ANKRD17: variants seen among roughly 807,000 people sequenced by gnomAD.
The protein encoded by ANKRD17 is ankyrin repeat domain-containing protein 17.
Under a neutral mutation model 229.7 loss-of-function variants are expected in ANKRD17, and 19 were observed. The ratio of observed to expected loss-of-function variants is 0.08; its 90% CI spans 0.06 to 0.12. The LOEUF is 0.12. Among genes scored for constraint, ANKRD17 ranks in the 10% least tolerant of loss-of-function variants. ANKRD17 has a pLI of 1.00. For synonymous variants in ANKRD17, 1,112 were observed against 1,146.1 expected, an observed-to-expected ratio of 0.97 and a Z score of 0.60; for missense variants, 2,176 against 3,176.8, an observed-to-expected ratio of 0.68 and a Z score of 7.57.
At chr4:73,214,299 C>T (rs1020511885) in intron 1 of ANKRD17, among the ~76,000 whole-genome samples, 2 of 152,104 alleles carry the variant, frequency 1.3e-5, no homozygotes, top group African/African-American at 4.8e-5. Context: ...GTAAAGAATA[C>T]ATTTGAATCA....
At chr4:73,138,255 C>T (rs1729161598) in intron 15 of ANKRD17, among the ~76,000 whole-genome samples, 1 of 152,034 alleles carries the variant, frequency 6.6e-6, no homozygotes, top group African/African-American at 2.4e-5. Context: ...TTGCACTCAT[C>T]AATAAGAGTC....
At chr4:73,153,535 T>A (rs1731274171) in intron 6 of ANKRD17, among the ~76,000 whole-genome samples, 1 of 152,152 alleles carries the variant, frequency 6.6e-6, no homozygotes, top group Admixed American at 6.5e-5. Flanking sequence ...ACTATCAATA[T>A]TTTCAGGTTC....
chr4:73,126,043 G>A (rs1727422375), intron 16 of ANKRD17, among the ~76,000 whole-genome samples: 1 of 152,164 alleles, frequency 6.6e-6, no homozygotes, highest in Non-Finnish European at 1.5e-5. Context: ...CCAACTTACT[G>A]CCTGGAGAGT....
chr4:73,251,209 T>C (rs1445500558), intron 1 of ANKRD17, among the ~76,000 whole-genome samples: 3 of 152,238 alleles, frequency 2.0e-5, no homozygotes, highest in Admixed American at 2.0e-4. Context: ...TAGAGCTATA[T>C]TATTTGAAGT....
At chr4:73,152,215 T>A (rs536465780) in intron 6 of ANKRD17, among the ~76,000 whole-genome samples, 7 of 152,316 alleles carry the variant, frequency 4.6e-5, no homozygotes, top group Admixed American at 2.6e-4. Context: ...TCCAGCTTTA[T>A]TTGGAATGAG....
intron 1 of ANKRD17, among the ~76,000 whole-genome samples, chr4:73,179,518 A>ATATATATATATTTTT (rs1192164276): frequency 2.7e-4 from 11 of 40,772 alleles, no homozygotes; most frequent in Non-Finnish European, 5.1e-4. Flanking sequence ...ATATATATAT[A>ATATATATATATTTTT]TTTTTTTTTT....
At chr4:73,238,826 C>A (rs1046273749) in intron 1 of ANKRD17, among the ~76,000 whole-genome samples, 5 of 152,142 alleles carry the variant, frequency 3.3e-5, no homozygotes, top group Non-Finnish European at 7.4e-5. Flanking sequence ...AGCAGACTTT[C>A]ATGTGAGACT....
chr4:73,258,068 G>A (rs1248732041), intron 1 of ANKRD17, among the ~76,000 whole-genome samples: 1 of 144,656 alleles, frequency 6.9e-6, no homozygotes, highest in Non-Finnish European at 1.5e-5. Flanking sequence ...TGTGAACTCC[G>A]TGGTCCTCCC....
chr4:73,238,966 T>C lies in ANKRD17; in HGVS notation c.393+19310A>G, dbSNP rs148646429. Among the ~76,000 whole-genome samples, 143 of 152,284 alleles carry C rather than the reference T, an allele frequency of 9.4e-4. 1 individual carries two copies. The highest frequency in any genetic ancestry group is 3.2e-3 in the African/African-American group (135 of 41,566). ...TTAGAACTGGGAAGATTAAATGATA[T>C]ACAGCAGTGTAATACACATAAACCA... On this transcript the variant is annotated intron_variant, in intron 1 of 33. Coordinates refer to ENST00000358602, the MANE Select transcript of ANKRD17 (RefSeq NM_032217.5).
chr4:73,175,068 A>T (rs189837150), intron 2 of ANKRD17, among the ~76,000 whole-genome samples: 3 of 152,342 alleles, frequency 2.0e-5, no homozygotes, highest in African/African-American at 7.2e-5. Context: ...AAGTAGAAAA[A>T]GCAATCTATA....
At chr4:73,205,644 G>A (rs1739343832) in intron 1 of ANKRD17, among the ~76,000 whole-genome samples, 2 of 152,120 alleles carry the variant, frequency 1.3e-5, no homozygotes, top group South Asian at 4.1e-4. Flanking sequence ...ACTACTAGAA[G>A]AAAATACAGG....
chr4:73,164,770 C>A (rs1371060764), intron 2 of ANKRD17, among the ~76,000 whole-genome samples: 2 of 147,758 alleles, frequency 1.4e-5, no homozygotes, highest in Non-Finnish European at 3.0e-5. Context: ...CCAGGCTGGG[C>A]GACAAAATGA....
intron 1 of ANKRD17, among the ~76,000 whole-genome samples, chr4:73,199,451 T>C (rs1013475205): frequency 2.6e-5 from 4 of 152,138 alleles, no homozygotes; most frequent in Non-Finnish European, 4.4e-5. Context: ...ATTAATTTCA[T>C]CTTCTCTCAA....
intron 1 of ANKRD17, among the ~76,000 whole-genome samples, chr4:73,197,298 G>A (rs1055157818): frequency 3.3e-5 from 5 of 152,196 alleles, no homozygotes; most frequent in Non-Finnish European, 7.3e-5. Flanking sequence ...CAGCAATACA[G>A]ATAACTGTGC....
intron 21 of ANKRD17, among the ~76,000 whole-genome samples, chr4:73,119,880 C>T (rs13143112): frequency 0.017 from 2,550 of 152,214 alleles, 28 homozygotes; most frequent in Non-Finnish European, 0.024. Context: ...GTAAGTATGT[C>T]TGATAACAGA....
chr4:73,193,904 C>CTTTTTATTTT (rs1737477897), intron 1 of ANKRD17, among the ~76,000 whole-genome samples: 1 of 152,064 alleles, frequency 6.6e-6, no homozygotes. Flanking sequence ...TGCACTCTAG[C>CTTTTTATTTT]CTGGGTGACA....
Position 73,102,513 on chromosome 4 carries a change from G to A in ANKRD17, c.4436C>T (p.Ala1479Val), listed in dbSNP as rs1452485616. ...REESRRLALA[A>V]KREKRKEKRR... is the part of the protein sequence containing the mutation. The stretch of plus-strand genomic sequence containing the variant: ...CTTCTCTTTTCTTTTTTCTCTTTTC[G>A]CAGCCAAAGCCAGCCTCCGACTTTC... Residue 1479 changes from alanine (A) to valine (V), a missense_variant, in exon 25 of 34, where the codon GCG becomes GTG. Ala to Val is a moderately conservative substitution (Grantham distance 64). Around this residue, in one of 18 missense-constraint regions of ANKRD17, gnomAD observed 14 missense variants for 36.1 expected, o/e 0.39. Transcript: ENST00000358602. 15 of 1,597,464 alleles carry A rather than the reference G, an allele frequency of 9.4e-6. No homozygotes were observed. Among genetic ancestry groups the A allele is most frequent in the East Asian group, 2.2e-5 (1 of 44,490 alleles).
At chr4:73,092,517 T>C (rs1249537109) in intron 28 of ANKRD17, among the ~76,000 whole-genome samples, 1 of 152,250 alleles carries the variant, frequency 6.6e-6, no homozygotes, top group Non-Finnish European at 1.5e-5. Context: ...CCTGAATTAC[T>C]ACTTTTATTT....
At chr4:73,107,985 G>A (rs1042058973) in intron 24 of ANKRD17, among the ~76,000 whole-genome samples, 1 of 152,256 alleles carries the variant, frequency 6.6e-6, no homozygotes, top group South Asian at 2.1e-4. Flanking sequence ...GAACCATGGT[G>A]AGAAGTGATT....
Sources: allele counts gnomAD v4.1 joint callset (sites outside exome capture counted in the v4.1 genomes callset), GRCh38; gene constraint gnomAD v4.1.1; regional missense constraint gnomAD v4.1.1; transcripts MANE v1.5; gene names NCBI Gene and HGNC (gene_info 2026-07-23, HGNC 2026-07-21).